The following NT5DC3 variants were observed in gnomAD, a reference collection of about 807,000 sequenced individuals.
The protein encoded by NT5DC3 is 5'-nucleotidase domain-containing protein 3.
Under a neutral mutation model 67.8 loss-of-function variants are expected in NT5DC3, and 42 were observed. The observed-to-expected ratio is 0.62, with a 90% CI of 0.48 to 0.80. The LOEUF is 0.80. Ranked by LOEUF, NT5DC3 falls within the 30% of genes least tolerant of loss-of-function variation. The pLI is 0.00. For missense variants in NT5DC3, 570 were observed against 696.4 expected (o/e 0.82, Z 2.04); for synonymous variants, 237 against 255.6 (o/e 0.93, Z 0.69).
intron 1 of NT5DC3, among the ~76,000 whole-genome samples, chr12:103,824,877 C>G (rs897172335): frequency 2.6e-4 from 40 of 152,212 alleles, no homozygotes; most frequent in African/African-American, 9.6e-4. Context: ...CTGTAGTATC[C>G]TTGTAAATTG....
the NT5DC3 span, among the ~76,000 whole-genome samples, chr12:103,749,504 A>G: frequency 6.6e-6 from 1 of 152,004 alleles, no homozygotes; most frequent in African/African-American, 2.4e-5. Context: ...CCTTCTATCT[A>G]TCTAAAATTA....
At chr12:103,754,923 G>A in the NT5DC3 span, among the ~76,000 whole-genome samples, 1 of 150,122 alleles carries the variant, frequency 6.7e-6, no homozygotes, top group East Asian at 2.0e-4. Context: ...TTTAGCCTGG[G>A]TGACAGAGCA....
chr12:103,781,904 C>A (rs1423671591), intron 12 of NT5DC3, among the ~76,000 whole-genome samples: 3 of 152,112 alleles, frequency 2.0e-5, no homozygotes, highest in African/African-American at 7.2e-5. Flanking sequence ...TCTTTAGGGG[C>A]AAAACAGATT....
chr12:103,768,634 T>A (rs185603537), downstream of NT5DC3, among the ~76,000 whole-genome samples: 66 of 24,854 alleles, frequency 2.7e-3, no homozygotes, highest in South Asian at 6.9e-3. Flanking sequence ...GGAGAGGGAG[T>A]GAGAGAGAGA....
chr12:103,780,242 G>T, intron 13 of NT5DC3, 58 bp downstream of exon 13: 3 of 1,447,142 alleles, frequency 2.1e-6, no homozygotes, highest in Non-Finnish European at 2.9e-6. Flanking sequence ...ACACATGTGG[G>T]CTGAGCACAG....
At chr12:103,840,041 A>G (rs778303961) in intron 1 of NT5DC3, among the ~76,000 whole-genome samples, 1 of 152,188 alleles carries the variant, frequency 6.6e-6, no homozygotes, top group East Asian at 1.9e-4. Flanking sequence ...TGGTCAACGG[A>G]GCACAGGAAA....
the NT5DC3 span, among the ~76,000 whole-genome samples, chr12:103,749,390 A>C: frequency 6.6e-6 from 1 of 152,242 alleles, no homozygotes; most frequent in East Asian, 1.9e-4. Context: ...AGTTAACAGT[A>C]ATGTACCAAC....
intron 1 of NT5DC3, among the ~76,000 whole-genome samples, chr12:103,839,866 C>T (rs1888304753): frequency 6.6e-6 from 1 of 152,028 alleles, no homozygotes; most frequent in South Asian, 2.1e-4. Flanking sequence ...AAACTGACTT[C>T]TGGCCAAAAA....
the NT5DC3 span, chr12:103,759,153 C>T: frequency 5.6e-6 from 9 of 1,614,062 alleles, no homozygotes; most frequent in South Asian, 1.1e-5. Flanking sequence ...GGCGGGACAT[C>T]GAGCACCACC....
At chr12:103,779,710 G>C (rs1466440785) in intron 13 of NT5DC3, among the ~76,000 whole-genome samples, 1 of 152,166 alleles carries the variant, frequency 6.6e-6, no homozygotes, top group African/African-American at 2.4e-5. Flanking sequence ...CATGCACAAA[G>C]TCAGAAAAGT....
intron 9 of NT5DC3, chr12:103,789,181 T>C: frequency 2.6e-6 from 1 of 378,256 alleles, no homozygotes; most frequent in Non-Finnish European, 4.8e-6. Context: ...CCCAGCACTT[T>C]GGGAAGCCAA....
At chr12:103,823,239 A>G (rs186096137) in intron 1 of NT5DC3, among the ~76,000 whole-genome samples, 1 of 150,450 alleles carries the variant, frequency 6.6e-6, no homozygotes, top group Non-Finnish European at 1.5e-5. Flanking sequence ...AAAAAAAAAC[A>G]GAAAAAGCCT....
At chr12:103,766,152 A>C (rs767082324), downstream of NT5DC3, 1 of 1,250,236 alleles carries the variant, frequency 8.0e-7, no homozygotes, top group East Asian at 2.4e-5. Flanking sequence ...CAGCAGCACA[A>C]ACAAACACGC....
chr12:103,829,715 C>T (rs1887843410), intron 1 of NT5DC3, among the ~76,000 whole-genome samples: 1 of 152,078 alleles, frequency 6.6e-6, no homozygotes, highest in African/African-American at 2.4e-5. Context: ...GGACTGATTT[C>T]AACATTGTCA....
At chr12:103,754,982 T>G in the NT5DC3 span, 3 of 272,004 alleles carry the variant, frequency 1.1e-5, no homozygotes, top group Non-Finnish European at 1.4e-5. Context: ...ATCATCAGAG[T>G]TCTACCAACC....
At chr12:103,761,434 A>G in the NT5DC3 span, 1 of 1,606,860 alleles carries the variant, frequency 6.2e-7, no homozygotes, top group Non-Finnish European at 8.5e-7. Context: ...GTCCCTGATA[A>G]CGGGCCAGGA....
chr12:103,818,689 C>T (rs952354921), intron 1 of NT5DC3, among the ~76,000 whole-genome samples: 1 of 152,130 alleles, frequency 6.6e-6, no homozygotes, highest in Non-Finnish European at 1.5e-5. Context: ...ACAACCATGG[C>T]TTTCATTTTT....
At chr12:103,758,657 A>G in the NT5DC3 span, among the ~76,000 whole-genome samples, 1 of 152,234 alleles carries the variant, frequency 6.6e-6, no homozygotes, top group African/African-American at 2.4e-5. Flanking sequence ...GATAGGTCAC[A>G]TGACTGAGCC....
At chr12:103,840,419 TCATTCCATCCCATTC>T (rs1888353178) in intron 1 of NT5DC3, among the ~76,000 whole-genome samples, 1 of 125,802 alleles carries the variant, frequency 7.9e-6, no homozygotes, top group African/African-American at 3.1e-5. Context: ...TCATCTCATC[TCATTCCATCCCATTC>T]CATCCCATCC....
Sources: gnomAD v4.1 joint callset for allele counts (sites outside exome capture counted in the v4.1 genomes callset) on GRCh38, gnomAD v4.1.1 for gene constraint, MANE v1.5 for transcripts, NCBI Gene and HGNC (gene_info 2026-07-23, HGNC 2026-07-21) for gene names.